MSRA: variants seen among roughly 807,000 people sequenced by gnomAD.
The protein encoded by MSRA is mitochondrial peptide methionine sulfoxide reductase.
In MSRA, 54 loss-of-function variants were observed where a neutral mutation model predicts 31.3. The ratio of observed to expected loss-of-function variants is 1.73; its 90% CI spans 1.39 to 2.17. The LOEUF (loss-of-function observed/expected upper bound fraction) is 2.17. Ranked by LOEUF, MSRA falls within the 30% of genes most tolerant of loss-of-function variation. MSRA has a pLI of 0.00. For synonymous variants in MSRA, 169 were observed against 116.5 expected (o/e 1.45, Z -2.90); for missense variants, 507 against 300.9 (o/e 1.69, Z -5.07).
At chr8:10,319,289 C>T (rs746132378) in intron 4 of MSRA, among the ~76,000 whole-genome samples, 4 of 152,140 alleles carry the variant, frequency 2.6e-5, no homozygotes, top group African/African-American at 4.8e-5. Flanking sequence ...CACTCTGGGG[C>T]ACTGTCACAC....
rs570258915 is a variant in MSRA at position 10,134,508 on chromosome 8, TCA to T, written c.143-73322_143-73321del. ...ACCGTGGGGCACATCCATGCCTGTC[TCA>T]CATACCAAGGCACTGTCAGCATGTG... On this transcript the variant is annotated intron_variant, in intron 1 of 5. Transcript: ENST00000317173. Among the ~76,000 whole-genome samples the T allele has an allele frequency of 1.3e-4, 20 of 152,340 alleles. No homozygotes were observed. In the East Asian group the frequency reaches 3.9e-3, roughly 29 times the overall value.
chr8:10,418,782 G>T (rs527655197), intron 5 of MSRA, among the ~76,000 whole-genome samples: 1 of 110,714 alleles, frequency 9.0e-6, no homozygotes, highest in East Asian at 3.1e-4. Context: ...GGCTAAGATA[G>T]TACATTTTAT....
At chr8:10,165,570 G>T (rs1805054241) in intron 1 of MSRA, among the ~76,000 whole-genome samples, 1 of 152,198 alleles carries the variant, frequency 6.6e-6, no homozygotes, top group Non-Finnish European at 1.5e-5. Context: ...TCACCTGCCA[G>T]AAAATGAGTG....
chr8:10,296,714 G>GC (rs989719666), intron 3 of MSRA, among the ~76,000 whole-genome samples: 29 of 152,076 alleles, frequency 1.9e-4, no homozygotes, highest in African/African-American at 3.4e-4. Context: ...GTAGATAAAG[G>GC]CCCCCCCAGC....
chr8:10,170,042 ATTTTTTTT>A (rs59946635), intron 1 of MSRA, among the ~76,000 whole-genome samples: 4 of 90,366 alleles, frequency 4.4e-5, no homozygotes, highest in Admixed American at 1.3e-4. Flanking sequence ...CCTGGCTAAT[ATTTTTTTT>A]TTTTTTTTTT....
At chr8:10,355,121 C>T (rs1318873689) in intron 5 of MSRA, among the ~76,000 whole-genome samples, 5 of 152,302 alleles carry the variant, frequency 3.3e-5, no homozygotes, top group South Asian at 2.1e-4. Flanking sequence ...GTGTCAGGGC[C>T]GGGTTCCGTG....
At chr8:10,057,591 G>A (rs1485068844) in intron 1 of MSRA, among the ~76,000 whole-genome samples, 1 of 152,216 alleles carries the variant, frequency 6.6e-6, no homozygotes, top group Non-Finnish European at 1.5e-5. Context: ...ATTCCCACCT[G>A]TTGGAGGAGG....
chr8:10,372,562 A>C (rs543171221), intron 5 of MSRA, among the ~76,000 whole-genome samples: 2 of 152,300 alleles, frequency 1.3e-5, no homozygotes, highest in African/African-American at 4.8e-5. Context: ...TAGCAACGGT[A>C]ACTATCCAAT....
chr8:10,264,528 G>T (rs1798645004), intron 3 of MSRA, among the ~76,000 whole-genome samples: 1 of 152,186 alleles, frequency 6.6e-6, no homozygotes, highest in Non-Finnish European at 1.5e-5. Context: ...TAAAGCCAGT[G>T]CTGCCAGGCA....
At chr8:10,174,761 C>T (rs1805891606) in intron 1 of MSRA, among the ~76,000 whole-genome samples, 1 of 152,338 alleles carries the variant, frequency 6.6e-6, no homozygotes, top group South Asian at 2.1e-4. Flanking sequence ...TGCACTCAGA[C>T]ATCCAACTGG....
intron 3 of MSRA, among the ~76,000 whole-genome samples, chr8:10,252,984 G>C (rs1047935374): frequency 1.3e-5 from 2 of 152,178 alleles, no homozygotes; most frequent in East Asian, 1.9e-4. Context: ...GTAGTTCAAA[G>C]TTGAAACCAA....
intron 3 of MSRA, among the ~76,000 whole-genome samples, chr8:10,248,445 G>C (rs932462480): frequency 6.6e-6 from 1 of 152,130 alleles, no homozygotes; most frequent in African/African-American, 2.4e-5. Flanking sequence ...ACGCACATCA[G>C]AGCTTCCACA....
Position 10,103,830 on chromosome 8 carries a change from T to C in MSRA, c.142+49172T>C, listed in dbSNP as rs373107580. On this transcript the variant is annotated intron_variant, in intron 1 of 5. Coordinates refer to ENST00000317173, the MANE Select transcript of MSRA (RefSeq NM_012331.5). ...TATTCAGAAGTGACAAATGCCATATTTATTTTCCTCAGATGTTAAAAAAAA... is the reference window on the plus strand; with the variant it reads ...TATTCAGAAGTGACAAATGCCATATCTATTTTCCTCAGATGTTAAAAAAAA... Among the ~76,000 whole-genome samples the C allele has an allele frequency of 1.6e-4, 24 of 148,888 alleles. 1 individual carries two copies. Among genetic ancestry groups the C allele is most frequent in the African/African-American group, 5.9e-4 (24 of 40,366 alleles).
chr8:10,082,522 G>A (rs1216043703), intron 1 of MSRA, among the ~76,000 whole-genome samples: 1 of 152,106 alleles, frequency 6.6e-6, no homozygotes, highest in Non-Finnish European at 1.5e-5. Context: ...TTTTTGGCGT[G>A]GGTTCTGGCT....
chr8:10,174,645 C>G (rs1022914556), intron 1 of MSRA, among the ~76,000 whole-genome samples: 2 of 152,084 alleles, frequency 1.3e-5, no homozygotes, highest in African/African-American at 4.8e-5. Flanking sequence ...CTGGAGCAGA[C>G]TCCCCAGCCT....
chr8:10,127,247 A>C (rs750230863), intron 1 of MSRA, among the ~76,000 whole-genome samples: 6 of 152,052 alleles, frequency 3.9e-5, no homozygotes, highest in Non-Finnish European at 8.8e-5. Flanking sequence ...AGCATGTGGG[A>C]GTTATTTGTA....
At chr8:10,271,485 A>G (rs114192334) in intron 3 of MSRA, among the ~76,000 whole-genome samples, 4,849 of 152,176 alleles carry the variant, frequency 0.032, 216 homozygotes, top group African/African-American at 0.099. Flanking sequence ...TTTTAGGGTG[A>G]CAATAATCAG....
chr8:10,247,086 G>T (rs890390213), intron 3 of MSRA, among the ~76,000 whole-genome samples: 1 of 152,198 alleles, frequency 6.6e-6, no homozygotes, highest in African/African-American at 2.4e-5. Context: ...TTCCTTGTTT[G>T]CTCGAACCCT....
intron 1 of MSRA, among the ~76,000 whole-genome samples, chr8:10,062,578 C>T (rs1358014229): frequency 6.6e-6 from 1 of 152,144 alleles, no homozygotes; most frequent in African/African-American, 2.4e-5. Context: ...TTCCTCTGAG[C>T]AGTATCATGC....
Sources: allele counts gnomAD v4.1 joint callset (sites outside exome capture counted in the v4.1 genomes callset), GRCh38; gene constraint gnomAD v4.1.1; transcripts MANE v1.5; gene names NCBI Gene and HGNC (gene_info 2026-07-23, HGNC 2026-07-21).